DHRS3: variants seen among roughly 807,000 people sequenced by gnomAD.
DHRS3 encodes the protein short-chain dehydrogenase/reductase 3.
DHRS3 carries 14 observed loss-of-function variants against 27.2 expected under a neutral mutation model. The observed-to-expected ratio is 0.52, with a 90% confidence interval of 0.34 to 0.81. The LOEUF is 0.81. DHRS3 is among the 30% of genes least tolerant of loss of function. The pLI is 0.01. For missense variants in DHRS3, 322 were observed against 406.2 expected, an observed-to-expected ratio of 0.79 and a Z score of 1.78; for synonymous variants, 165 against 175.9, an observed-to-expected ratio of 0.94 and a Z score of 0.49.
intron 1 of DHRS3, among the ~76,000 whole-genome samples, chr1:12,604,064 A>G (rs1191181919): frequency 6.6e-6 from 1 of 152,178 alleles, no homozygotes; most frequent in East Asian, 1.9e-4. Flanking sequence ...TAAAAGTACA[A>G]AACTTTCAGT....
intron 1 of DHRS3, among the ~76,000 whole-genome samples, chr1:12,616,100 T>G (rs1016541589): frequency 1.3e-5 from 2 of 152,244 alleles, no homozygotes; most frequent in Admixed American, 6.5e-5. Context: ...TGGAATTACA[T>G]GCAGGTTTGG....
Position 12,578,846 on chromosome 1 carries a change from T to C in DHRS3, c.570A>G (p.Thr190=), listed in dbSNP as rs371914317. 2 of 1,613,992 alleles carry C rather than the reference T, an allele frequency of 1.2e-6. No homozygotes were observed. Among genetic ancestry groups the C allele is most frequent in the Non-Finnish European group, 1.7e-6 (2 of 1,180,024 alleles). ...TGAAGGCGAAGGCTGACGCTTTGGA[T>C]GTGCAGTAGTCGATGGCACCGGGGA... ...SAIPGAIDYC[T]SKASAFAFME... The change falls in exon 4 of 6, where the codon ACA becomes ACG. Residue 190 remains threonine (T), a synonymous_variant. Transcript: ENST00000616661. This position sits in a 1 kb window ranked among gnomAD's most constrained non-coding sequence, Gnocchi z 4.5.
At chr1:12,605,301 C>T (rs890028061) in intron 1 of DHRS3, among the ~76,000 whole-genome samples, 1 of 152,092 alleles carries the variant, frequency 6.6e-6, no homozygotes, top group Non-Finnish European at 1.5e-5. Context: ...TGGTCATGTA[C>T]AGTATCATTC....
At chr1:12,575,907 G>T (rs1034171115) in intron 4 of DHRS3, among the ~76,000 whole-genome samples, 1 of 151,974 alleles carries the variant, frequency 6.6e-6, no homozygotes, top group African/African-American at 2.4e-5. Flanking sequence ...GGGTTTCACC[G>T]TGTTGGCCAG....
At chr1:12,605,464 T>C (rs1357788188) in intron 1 of DHRS3, among the ~76,000 whole-genome samples, 3 of 152,226 alleles carry the variant, frequency 2.0e-5, no homozygotes, top group African/African-American at 7.2e-5. Context: ...AATAGTGCCA[T>C]GTATATTCCC....
intron 5 of DHRS3, among the ~76,000 whole-genome samples, chr1:12,569,551 TTTTA>T (rs1557509559): frequency 6.6e-6 from 1 of 152,106 alleles, no homozygotes; most frequent in Non-Finnish European, 1.5e-5. Context: ...CTTTTAGTTT[TTTTA>T]TTTATTTTTA....
At chr1:12,602,936 G>A (rs1646845317) in intron 1 of DHRS3, among the ~76,000 whole-genome samples, 1 of 152,250 alleles carries the variant, frequency 6.6e-6, no homozygotes, top group Admixed American at 6.5e-5. Context: ...TCTGGGCTTT[G>A]GGGCTGGGGT....
At position 12,608,256 on chromosome 1, in the gene DHRS3, T is replaced by C. The variant is rs1646884023; in HGVS notation, c.195+8898A>G. The stretch of plus-strand genomic sequence containing the variant: ...CCTTGTATATTACCACAGTCACGTA[T>C]ATTACCAATCGTGTATGGTACCACA... On this transcript the variant is annotated intron_variant, in intron 1 of 5. Transcript: ENST00000616661. The surrounding 1 kb of genome is among the most constrained non-coding windows in gnomAD (Gnocchi z 4.1). Among the ~76,000 whole-genome samples the C allele has an allele frequency of 2.0e-5, 3 of 152,160 alleles. No homozygotes were observed. The South Asian group carries it at 6.2e-4, about 32-fold the overall frequency.
intron 1 of DHRS3, among the ~76,000 whole-genome samples, chr1:12,597,090 C>A (rs187790946): frequency 1.3e-5 from 2 of 151,964 alleles, no homozygotes; most frequent in African/African-American, 2.4e-5. Context: ...GATCTCCCCC[C>A]GCCCTAGACG....
chr1:12,588,084 T>C (rs937888440), intron 1 of DHRS3, among the ~76,000 whole-genome samples: 13 of 152,238 alleles, frequency 8.5e-5, no homozygotes, highest in Non-Finnish European at 2.9e-5. Flanking sequence ...ATCTCTCAAA[T>C]TCAGGTTTCT....
chr1:12,585,387 G>GTGTCTC (rs1384872084), intron 1 of DHRS3, among the ~76,000 whole-genome samples: 1 of 67,110 alleles, frequency 1.5e-5, no homozygotes, highest in Non-Finnish European at 5.2e-5. Flanking sequence ...GTGTGTGTCT[G>GTGTCTC]TGTGTGACTG....
At position 12,594,126 on chromosome 1, in the gene DHRS3, C is replaced by T. The variant is rs1646769334; in HGVS notation, c.196-13460G>A. On this transcript the variant is annotated intron_variant, in intron 1 of 5. Coordinates refer to ENST00000616661, the MANE Select transcript of DHRS3 (RefSeq NM_004753.7). The surrounding 1 kb of genome is among the most constrained non-coding windows in gnomAD (Gnocchi z 4.1). ...GAGGAGCCAGCATCTACAGACCACC[C>T]TTCCCTCACAGCACACATCTCCAGA... Among the ~76,000 whole-genome samples the T allele has an allele frequency of 6.6e-6, 1 of 152,182 alleles. No homozygotes were observed. The highest frequency in any genetic ancestry group is 2.4e-5 in the African/African-American group (1 of 41,448).
chr1:12,571,429 A>T (rs116521949), intron 5 of DHRS3, among the ~76,000 whole-genome samples: 11,998 of 152,042 alleles, frequency 0.079, 750 homozygotes, highest in East Asian at 0.19. Flanking sequence ...TCCTGAGGGC[A>T]GGGGCTATGT....
intron 1 of DHRS3, among the ~76,000 whole-genome samples, chr1:12,585,211 A>ATCTCTGTGTGTCTGTGAGTGTGTG (rs145659460): frequency 7.1e-6 from 1 of 140,242 alleles, no homozygotes; most frequent in Middle Eastern, 3.6e-3. Context: ...GTGTCTGTGT[A>ATCTCTGTGTGTCTGTGAGTGTGTG]TCTCTGTGTG....
rs148765349 is a variant in DHRS3, at chr1:12,585,700, C to T, written c.196-5034G>A. Among the ~76,000 whole-genome samples the T allele has an allele frequency of 5.9e-5, 9 of 152,282 alleles. No homozygotes were observed. The East Asian group carries it at 7.7e-4, about 13-fold the overall frequency. The stretch of plus-strand genomic sequence containing the variant: ...CACTGACCAGGTAACTGGCAGATAC[C>T]GCTCTGCAGGCCCGCCCAGGTGGCT... On this transcript the variant is annotated intron_variant, in intron 1 of 5. Coordinates refer to ENST00000616661, the MANE Select transcript of DHRS3 (RefSeq NM_004753.7).
chr1:12,611,751 G>A (rs898205370), intron 1 of DHRS3, among the ~76,000 whole-genome samples: 1 of 152,006 alleles, frequency 6.6e-6, no homozygotes, highest in African/African-American at 2.4e-5. Context: ...TTATAGGTGT[G>A]CTTCTCAGCT....
At position 12,578,968 on chromosome 1, in the gene DHRS3, T is replaced by C. The variant is rs756230828; in HGVS notation, c.460-12A>G. Reference sequence around the variant, plus strand: ...AAGGCCTTGGTGGTCTGAGGGCAGATGGGGTGTCAGGGTGGAGCAGCTGCA... The same window carrying C: ...AAGGCCTTGGTGGTCTGAGGGCAGACGGGGTGTCAGGGTGGAGCAGCTGCA... On this transcript the variant is annotated splice_polypyrimidine_tract_variant and intron_variant, in intron 3 of 5. Coordinates refer to ENST00000616661, the MANE Select transcript of DHRS3 (RefSeq NM_004753.7). This position sits in a 1 kb window ranked among gnomAD's most constrained non-coding sequence, Gnocchi z 4.5. 1.7e-5 allele frequency: 27 copies of C among 1,607,242 alleles called. No homozygotes were observed. Among genetic ancestry groups the C allele is most frequent in the Non-Finnish European group, 2.3e-5 (27 of 1,176,976 alleles).
intron 1 of DHRS3, among the ~76,000 whole-genome samples, chr1:12,615,389 T>C (rs979410301): frequency 6.6e-6 from 1 of 152,168 alleles, no homozygotes; most frequent in Non-Finnish European, 1.5e-5. Flanking sequence ...CTGGCTGGAT[T>C]CCCTGGAAGA....
chr1:12,610,543 A>G (rs556232698), intron 1 of DHRS3, among the ~76,000 whole-genome samples: 6 of 152,302 alleles, frequency 3.9e-5, no homozygotes, highest in African/African-American at 1.4e-4. Flanking sequence ...GAATGTATGA[A>G]TAAGTGAATA....
Sources: allele counts gnomAD v4.1 joint callset (sites outside exome capture counted in the v4.1 genomes callset), GRCh38; gene constraint gnomAD v4.1.1; non-coding constraint Gnocchi (gnomAD v3.1); transcripts MANE v1.5; gene names NCBI Gene and HGNC (gene_info 2026-07-23, HGNC 2026-07-21).